Variants in PLAC8L1 observed in about 807,000 individuals in gnomAD.
PLAC8L1 encodes the protein PLAC8-like protein 1.
Under a neutral mutation model 16.3 loss-of-function variants are expected in PLAC8L1, and 13 were observed. That is an observed-to-expected ratio of 0.80 (90% CI 0.52 to 1.27). PLAC8L1 has a LOEUF of 1.27. Ranked by LOEUF, PLAC8L1 falls within the 50% of genes most tolerant of loss-of-function variation. The pLI, the probability that PLAC8L1 is intolerant of heterozygous loss-of-function variation, is 0.00. For missense variants in PLAC8L1, 184 were observed against 220.2 expected (o/e 0.84, Z 1.04); for synonymous variants, 78 against 79.3 (o/e 0.98, Z 0.09).
intron 2 of PLAC8L1, among the ~76,000 whole-genome samples, chr5:146,094,944 C>A (rs935497610): frequency 1.3e-5 from 2 of 152,134 alleles, no homozygotes; most frequent in Admixed American, 1.3e-4. Context: ...TCCCTTTGTT[C>A]CCAAGTCTGT....
rs1368467555 is a variant in PLAC8L1 at position 146,104,574 on chromosome 5, ATCTTTGGTGGAAAAC to A, written c.-278_-264del. ...TAGAGTAAATAGAAGAAAAAGACTT[ATCTTTGGTGGAAAAC>A]TCTTTAAGAGATGCCTCTAGTAAAC... On this transcript the variant is annotated 5_prime_UTR_variant, in exon 1 of 4. Coordinates refer to ENST00000311450, the MANE Select transcript of PLAC8L1 (RefSeq NM_001029869.3). The A allele has an allele frequency of 6.5e-6, 2 of 306,728 alleles. No individual in the cohort carries two copies. The highest frequency in any genetic ancestry group is 4.5e-5 in the African/African-American group (2 of 44,864). The allele number at this position is 306,728 out of a possible 1,614,324, so 19.0% of individuals were successfully genotyped here.
rs1451185579 is a variant in PLAC8L1, at chr5:146,085,454, C to T, written c.393+7G>A. Reference sequence around the variant, plus strand: ...TCGGGTTCACGTATACCTTCAAACACACTTACCTGTATTTTATGTCTCTCC... The same window carrying T: ...TCGGGTTCACGTATACCTTCAAACATACTTACCTGTATTTTATGTCTCTCC... On this transcript the variant is annotated splice_region_variant and intron_variant, in intron 3 of 3. Transcript: ENST00000311450. 4 of 1,613,604 alleles carry T rather than the reference C, an allele frequency of 2.5e-6. No individual in the cohort carries two copies. In the East Asian group the frequency reaches 8.9e-5, roughly 36 times the overall value.
chr5:146,091,096 T>C (rs1204391965), intron 2 of PLAC8L1, among the ~76,000 whole-genome samples: 1 of 151,932 alleles, frequency 6.6e-6, no homozygotes, highest in African/African-American at 2.4e-5. Flanking sequence ...TGGGGAGCCA[T>C]GAAGAAATAA....
chr5:146,092,045 G>C (rs549263019), intron 2 of PLAC8L1, among the ~76,000 whole-genome samples: 8 of 152,152 alleles, frequency 5.3e-5, no homozygotes, highest in Admixed American at 3.3e-4. Flanking sequence ...ACCCGCATGT[G>C]TGGAATGTTG....
In PLAC8L1 at chr5:146,098,188, C is replaced by G. The variant is rs750058583; in HGVS notation, c.224G>C (p.Gly75Ala). 2 of 1,613,976 alleles carry G rather than the reference C, an allele frequency of 1.2e-6. No homozygotes were observed. The highest frequency in any genetic ancestry group is 1.7e-6 in the Non-Finnish European group (2 of 1,179,944). Residue 75 changes from glycine (G) to alanine (A), a missense_variant, in exon 2 of 4, where the codon GGT becomes GCT. By Grantham distance (60) the Gly-to-Ala change is moderately conservative. Coordinates refer to ENST00000311450, the MANE Select transcript of PLAC8L1 (RefSeq NM_001029869.3). The stretch of plus-strand genomic sequence containing the variant: ...CCTATCTCTGCAGACACTGAAGAGA[C>G]CGGTGCTCCAGCCCCCGCCAGTCTG... ...IVQTGGGWST[G>A]LFSVCRDRRI...
At chr5:146,094,249 A>G (rs1023660527) in intron 2 of PLAC8L1, among the ~76,000 whole-genome samples, 4 of 151,936 alleles carry the variant, frequency 2.6e-5, no homozygotes, top group African/African-American at 9.7e-5. Context: ...TGCCCAGCTA[A>G]TTTTGTATTT....
At chr5:146,087,195 G>C (rs1763531540) in intron 2 of PLAC8L1, among the ~76,000 whole-genome samples, 1 of 152,152 alleles carries the variant, frequency 6.6e-6, no homozygotes, top group Non-Finnish European at 1.5e-5. Flanking sequence ...GCTGTTGTGT[G>C]AATCTGTCTC....
intron 2 of PLAC8L1, among the ~76,000 whole-genome samples, chr5:146,097,921 A>G (rs1438579349): frequency 2.6e-5 from 4 of 152,242 alleles, no homozygotes; most frequent in Non-Finnish European, 5.9e-5. Flanking sequence ...CTTTGCCAAC[A>G]GTGGAGTCTG....
In PLAC8L1 at chr5:146,098,298, G is replaced by A. The variant is rs776613367; in HGVS notation, c.120-6C>T. 6.2e-7 allele frequency: 1 copy of A among 1,613,066 alleles called. No individual in the cohort carries two copies. Among genetic ancestry groups the A allele is most frequent in the Non-Finnish European group, 8.5e-7 (1 of 1,179,562 alleles). On this transcript the variant is annotated splice_polypyrimidine_tract_variant and splice_region_variant and intron_variant, in intron 1 of 3. Transcript: ENST00000311450. ...CGCTGGCTGGTACATGGCCTCTGGA[G>A]AGTCAAGGATGATGATTAACTTGGA...
At chr5:146,092,836 G>A (rs13175806) in intron 2 of PLAC8L1, among the ~76,000 whole-genome samples, 33,810 of 151,908 alleles carry the variant, frequency 0.22, 4,812 homozygotes, top group Admixed American at 0.34. Flanking sequence ...GCACCCGGCC[G>A]AATTTGCCAA....
intron 1 of PLAC8L1, 162 bp downstream of exon 1, chr5:146,104,031 A>C: frequency 1.0e-6 from 1 of 985,456 alleles, no homozygotes. Flanking sequence ...GGCCAGAAGG[A>C]ACAAATCAGT....
At chr5:146,099,180 AG>A (rs1007517452) in intron 1 of PLAC8L1, among the ~76,000 whole-genome samples, 1 of 152,122 alleles carries the variant, frequency 6.6e-6, no homozygotes, top group Non-Finnish European at 1.5e-5. Context: ...GGGTGGGTCA[AG>A]AGTGGGGTAG....
At chr5:146,086,024 CTTTTTT>C (rs58130114) in intron 2 of PLAC8L1, among the ~76,000 whole-genome samples, 3,422 of 90,446 alleles carry the variant, frequency 0.038, 88 homozygotes, top group African/African-American at 0.15. Context: ...ATTGAAAGGT[CTTTTTT>C]TTTTTTTTTT....
intron 3 of PLAC8L1, 62 bp downstream of exon 3, chr5:146,085,399 T>G: frequency 6.5e-7 from 1 of 1,528,258 alleles, no homozygotes; most frequent in South Asian, 1.3e-5. Context: ...AAATCACAGG[T>G]TTGGAAGGCA....
chr5:146,086,318 C>T (rs1168626114), intron 2 of PLAC8L1, among the ~76,000 whole-genome samples: 4 of 152,182 alleles, frequency 2.6e-5, no homozygotes, highest in Admixed American at 1.3e-4. Flanking sequence ...CGTGAGCCAC[C>T]GCGCCCGGCC....
intron 1 of PLAC8L1, among the ~76,000 whole-genome samples, chr5:146,101,275 G>A (rs995457444): frequency 1.3e-5 from 2 of 151,364 alleles, no homozygotes; most frequent in African/African-American, 4.9e-5. Context: ...ACAGAGAAAG[G>A]CCACGTGAGC....
intron 1 of PLAC8L1, among the ~76,000 whole-genome samples, chr5:146,100,890 T>C (rs1400868225): frequency 6.6e-6 from 1 of 152,132 alleles, no homozygotes; most frequent in African/African-American, 2.4e-5. Flanking sequence ...AGGGGTGAGA[T>C]CCTGATTCAG....
chr5:146,093,696 C>T (rs1327346424), intron 2 of PLAC8L1, among the ~76,000 whole-genome samples: 1 of 152,214 alleles, frequency 6.6e-6, no homozygotes, highest in Non-Finnish European at 1.5e-5. Flanking sequence ...CTGGTCCCTG[C>T]TTCAGGGAGT....
chr5:146,095,993 A>G (rs553032959), intron 2 of PLAC8L1, among the ~76,000 whole-genome samples: 8 of 152,374 alleles, frequency 5.3e-5, no homozygotes, highest in African/African-American at 1.7e-4. Flanking sequence ...TAGGGCTGCC[A>G]TAGCAAAATA....
Sources: gnomAD v4.1 joint callset for allele counts (sites outside exome capture counted in the v4.1 genomes callset) on GRCh38, gnomAD v4.1.1 for gene constraint, MANE v1.5 for transcripts, NCBI Gene and HGNC (gene_info 2026-07-23, HGNC 2026-07-21) for gene names.